Variants in IKZF2 observed in about 807,000 individuals in gnomAD.
IKZF2 encodes IKAROS family zinc finger 2.
In IKZF2, 15 loss-of-function variants were observed where a neutral mutation model predicts 49.2. That is an observed-to-expected ratio of 0.30 (90% CI 0.20 to 0.47). The LOEUF (loss-of-function observed/expected upper bound fraction) is 0.47, where lower values mean the gene tolerates loss of function less well. IKZF2 is among the 20% of genes least tolerant of loss of function. The pLI, the probability that IKZF2 is intolerant of heterozygous loss-of-function variation, is 1.00. For synonymous variants in IKZF2, 227 were observed against 221.4 expected (o/e 1.03, Z -0.23); for missense variants, 567 against 664.6 (o/e 0.85, Z 1.61).
chr2:213,101,829 G>C (rs1337701999), intron 4 of IKZF2, among the ~76,000 whole-genome samples: 2 of 152,072 alleles, frequency 1.3e-5, no homozygotes, highest in African/African-American at 4.8e-5. Context: ...TAGCACGAAC[G>C]ATAGTACACT....
chr2:213,113,765 G>A (rs1434168638), intron 4 of IKZF2, among the ~76,000 whole-genome samples: 1 of 152,152 alleles, frequency 6.6e-6, no homozygotes, highest in Non-Finnish European at 1.5e-5. Context: ...GGAGTGGAGA[G>A]AGGTGTTTGT....
At chr2:213,052,447 G>A (rs1700763333) in intron 5 of IKZF2, among the ~76,000 whole-genome samples, 1 of 151,998 alleles carries the variant, frequency 6.6e-6, no homozygotes, top group Non-Finnish European at 1.5e-5. Flanking sequence ...TTATGAATAA[G>A]TCTTGATAGA....
intron 6 of IKZF2, among the ~76,000 whole-genome samples, chr2:213,039,723 T>C (rs1227415907): frequency 6.6e-6 from 1 of 152,130 alleles, no homozygotes; most frequent in African/African-American, 2.4e-5. Flanking sequence ...TTTTAAGTGA[T>C]ATACACAAAT....
chr2:213,135,071 TA>T (rs2060608846), intron 4 of IKZF2, among the ~76,000 whole-genome samples: 1 of 152,222 alleles, frequency 6.6e-6, no homozygotes, highest in Non-Finnish European at 1.5e-5. Context: ...ATTGTCTTGC[TA>T]AAAATAGTTT....
intron 6 of IKZF2, among the ~76,000 whole-genome samples, chr2:213,022,462 A>C (rs1272553490): frequency 6.6e-6 from 1 of 152,016 alleles, no homozygotes; most frequent in Non-Finnish European, 1.5e-5. Flanking sequence ...CATTCAAGAC[A>C]AATCAGGAGT....
intron 4 of IKZF2, among the ~76,000 whole-genome samples, chr2:213,120,360 T>C (rs1166191096): frequency 6.6e-6 from 1 of 152,038 alleles, no homozygotes; most frequent in African/African-American, 2.4e-5. Flanking sequence ...GGATTGAGAG[T>C]TTTCCTGGTT....
chr2:213,118,128 AC>A (rs1235198727), intron 4 of IKZF2, among the ~76,000 whole-genome samples: 1 of 152,192 alleles, frequency 6.6e-6, no homozygotes, highest in East Asian at 1.9e-4. Context: ...CTTCCAACAC[AC>A]CAGGCTTTCC....
At chr2:213,106,397 G>A (rs1482884650) in intron 4 of IKZF2, among the ~76,000 whole-genome samples, 2 of 151,894 alleles carry the variant, frequency 1.3e-5, no homozygotes, top group Non-Finnish European at 2.9e-5. Context: ...CCAACACTTT[G>A]GGAGGCCGCG....
intron 6 of IKZF2, among the ~76,000 whole-genome samples, chr2:213,027,091 T>C (rs1437697976): frequency 1.3e-5 from 2 of 152,048 alleles, no homozygotes; most frequent in Admixed American, 6.6e-5. Flanking sequence ...CATTTTCAGC[T>C]CCTTCTTTTG....
chr2:213,024,001 T>A (rs1697520909), intron 6 of IKZF2, among the ~76,000 whole-genome samples: 1 of 152,140 alleles, frequency 6.6e-6, no homozygotes, highest in Admixed American at 6.6e-5. Flanking sequence ...ACTCACCTGA[T>A]AAGAAGGAAG....
intron 4 of IKZF2, among the ~76,000 whole-genome samples, chr2:213,113,836 A>G (rs937578241): frequency 5.9e-5 from 9 of 152,132 alleles, no homozygotes; most frequent in African/African-American, 1.2e-4. Context: ...GTTGGCATCT[A>G]TTGAGCAAGG....
chr2:213,084,183 T>A (rs1209678641), intron 4 of IKZF2, among the ~76,000 whole-genome samples: 1 of 152,144 alleles, frequency 6.6e-6, no homozygotes. Flanking sequence ...TGATTTTGCA[T>A]CCCAAACCTG....
intron 6 of IKZF2, 125 bp from the exon 7 acceptor site, chr2:213,022,255 C>A (rs1381018925): frequency 1.4e-5 from 12 of 844,546 alleles, no homozygotes; most frequent in Non-Finnish European, 1.9e-5. Flanking sequence ...TCTCTTCCTC[C>A]TTTACATTCC....
At chr2:213,126,529 A>G (rs572989926) in intron 4 of IKZF2, among the ~76,000 whole-genome samples, 9 of 152,270 alleles carry the variant, frequency 5.9e-5, no homozygotes, top group Middle Eastern at 3.4e-3. Flanking sequence ...GTAATAAATC[A>G]CCTCCAGATT....
chr2:213,015,391 C>T (rs1160130602), intron 7 of IKZF2: 1 of 152,032 alleles, frequency 6.6e-6, no homozygotes. Context: ...AGATCATTGT[C>T]TGCACTATAT....
intron 4 of IKZF2, among the ~76,000 whole-genome samples, chr2:213,139,980 C>T (rs1393103105): frequency 6.6e-6 from 1 of 151,782 alleles, no homozygotes; most frequent in Non-Finnish European, 1.5e-5. Flanking sequence ...TCATTTGGAC[C>T]CTTGAAGATA....
At chr2:213,091,740 A>AG (rs1340582248) in intron 4 of IKZF2, among the ~76,000 whole-genome samples, 2 of 152,178 alleles carry the variant, frequency 1.3e-5, no homozygotes, top group Non-Finnish European at 2.9e-5. Context: ...ATTTAATAAA[A>AG]GAAAGAATAT....
chr2:213,127,933 G>C (rs1211303160), intron 4 of IKZF2, among the ~76,000 whole-genome samples: 4 of 152,006 alleles, frequency 2.6e-5, no homozygotes, highest in African/African-American at 4.8e-5. Context: ...AAATTACCAT[G>C]ATGATCAACC....
chr2:213,071,970 C>T (rs1702753251), intron 4 of IKZF2, among the ~76,000 whole-genome samples: 1 of 151,890 alleles, frequency 6.6e-6, no homozygotes, highest in South Asian at 2.1e-4. Flanking sequence ...CCTCTTCAAC[C>T]CATTATATTC....
Sources: gnomAD v4.1 joint callset for allele counts (sites outside exome capture counted in the v4.1 genomes callset) on GRCh38, gnomAD v4.1.1 for gene constraint, MANE v1.5 for transcripts, NCBI Gene and HGNC (gene_info 2026-07-23, HGNC 2026-07-21) for gene names.